The following B4GALT6 variants were observed in gnomAD, a reference collection of about 807,000 sequenced individuals.
The protein encoded by B4GALT6 is UDP-Gal:beta-GlcNAc beta-1,4-galactosyltransferase 6.
Under a neutral mutation model 46.3 loss-of-function variants are expected in B4GALT6, and 14 were observed. That is an observed-to-expected ratio of 0.30 (90% confidence interval 0.20 to 0.47). The LOEUF (loss-of-function observed/expected upper bound fraction) is 0.47, where lower values mean the gene tolerates loss of function less well. Ranked by LOEUF, B4GALT6 falls within the 20% of genes least tolerant of loss-of-function variation. B4GALT6 has a pLI of 0.99. For missense variants in B4GALT6, 386 were observed against 480.1 expected (o/e 0.80, Z 1.83); for synonymous variants, 168 against 162.0 (o/e 1.04, Z -0.28).
At chr18:31,715,521 C>T in the B4GALT6 span, among the ~76,000 whole-genome samples, 1 of 146,466 alleles carries the variant, frequency 6.8e-6, no homozygotes, top group South Asian at 2.2e-4. Flanking sequence ...AGCCACAGCG[C>T]CTGGTCTGGA....
upstream of B4GALT6, among the ~76,000 whole-genome samples, chr18:31,689,107 G>GGTAA (rs2030025642): frequency 6.6e-6 from 1 of 151,988 alleles, no homozygotes; most frequent in African/African-American, 2.4e-5. Flanking sequence ...GTCATCAGTT[G>GGTAA]GTAAGTCAAA....
chr18:31,684,586 T>C, upstream of B4GALT6: 1 of 1,169,076 alleles, frequency 8.6e-7, no homozygotes, highest in Non-Finnish European at 1.1e-6. Flanking sequence ...AAAGAGGAAA[T>C]GGGAGGGAGC....
In B4GALT6 at chr18:31,646,642, C is replaced by T. The variant is rs538503513; in HGVS notation, c.347-1163G>A. Reference sequence around the variant, plus strand: ...CAACAAATGTTGAGGTTTCCCATTTCGAGTCTTCTGAGTTTCATGTGGCCA... The same window carrying T: ...CAACAAATGTTGAGGTTTCCCATTTTGAGTCTTCTGAGTTTCATGTGGCCA... On this transcript the variant is annotated intron_variant, in intron 3 of 8. Transcript: ENST00000306851. 7.2e-5 allele frequency among the ~76,000 whole-genome samples: 11 copies of T among 152,270 alleles called. No homozygotes were observed. The South Asian group carries it at 1.4e-3, about 20-fold the overall frequency.
chr18:31,689,587 A>G (rs1178314716), upstream of B4GALT6, among the ~76,000 whole-genome samples: 7 of 152,148 alleles, frequency 4.6e-5, no homozygotes, highest in Non-Finnish European at 1.0e-4. Context: ...TACCAGAAAT[A>G]TAAAAAATTA....
intron 2 of B4GALT6, among the ~76,000 whole-genome samples, chr18:31,664,362 C>T (rs1230352377): frequency 1.3e-5 from 2 of 152,160 alleles, no homozygotes; most frequent in Non-Finnish European, 2.9e-5. Flanking sequence ...AACCTAATCC[C>T]TAATGTATAC....
upstream of B4GALT6, among the ~76,000 whole-genome samples, chr18:31,688,247 G>GCATATATATATACA (rs1555643327): frequency 3.2e-3 from 342 of 106,494 alleles, 1 homozygote; most frequent in African/African-American, 0.016. Flanking sequence ...ATAATTGAGT[G>GCATATATATATACA]TATATATATA....
intron 5 of B4GALT6, among the ~76,000 whole-genome samples, chr18:31,636,769 C>G (rs572632046): frequency 9.9e-5 from 15 of 152,204 alleles, no homozygotes; most frequent in Admixed American, 9.8e-4. Flanking sequence ...ATCACTCTAT[C>G]CATGTTTAGA....
rs1193567471 is a variant in B4GALT6 at position 31,645,496 on chromosome 18, T to C, written c.347-17A>G. Reference sequence around the variant, plus strand: ...GGAATCCTCCTACAAATTAAAAATGTAAAGAATTGTTTTAATATTTTTTGC... The same window carrying C: ...GGAATCCTCCTACAAATTAAAAATGCAAAGAATTGTTTTAATATTTTTTGC... On this transcript the variant is annotated splice_polypyrimidine_tract_variant and intron_variant, in intron 3 of 8. Coordinates refer to ENST00000306851, the MANE Select transcript of B4GALT6 (RefSeq NM_004775.5). 6.2e-7 allele frequency: 1 copy of C among 1,601,162 alleles called. No individual in the cohort carries two copies. Among genetic ancestry groups the C allele is most frequent in the Non-Finnish European group, 8.5e-7 (1 of 1,176,522 alleles).
At chr18:31,684,750 C>T, upstream of B4GALT6, 2 of 1,081,118 alleles carry the variant, frequency 1.8e-6, no homozygotes, top group South Asian at 5.8e-5. Context: ...GCGTTTTCTC[C>T]GCCAAGCAGC....
At chr18:31,703,690 G>C in the B4GALT6 span, among the ~76,000 whole-genome samples, 2 of 152,204 alleles carry the variant, frequency 1.3e-5, no homozygotes, top group African/African-American at 4.8e-5. Context: ...AAAAGAATGA[G>C]CCTAATAGCT....
At chr18:31,639,481 A>T (rs555234459) in intron 4 of B4GALT6, among the ~76,000 whole-genome samples, 1 of 152,366 alleles carries the variant, frequency 6.6e-6, no homozygotes, top group Admixed American at 6.5e-5. Context: ...CATACATGAT[A>T]TTGCCCCAAA....
chr18:31,630,521 G>A (rs1322976817), intron 6 of B4GALT6, among the ~76,000 whole-genome samples: 1 of 152,036 alleles, frequency 6.6e-6, no homozygotes, highest in Non-Finnish European at 1.5e-5. Flanking sequence ...ATCACTGGGG[G>A]AGAGCAGGCA....
chr18:31,664,914 C>A (rs190021913), intron 2 of B4GALT6, among the ~76,000 whole-genome samples: 4 of 152,210 alleles, frequency 2.6e-5, no homozygotes, highest in African/African-American at 9.6e-5. Context: ...TAAAAAAATT[C>A]CTTCAAGGTT....
the B4GALT6 span, among the ~76,000 whole-genome samples, chr18:31,696,856 T>G: frequency 8.5e-5 from 13 of 152,202 alleles, no homozygotes; most frequent in African/African-American, 3.1e-4. Flanking sequence ...CAGAAATGTG[T>G]CTTTATTTTG....
rs1271748412 is a variant in B4GALT6, at chr18:31,623,069, A to G, written c.*2545T>C. On this transcript the variant is annotated 3_prime_UTR_variant, in exon 9 of 9. Coordinates refer to ENST00000306851, the MANE Select transcript of B4GALT6 (RefSeq NM_004775.5). ...TTTGCTTGACTTCATTTGTTTAGAA[A>G]TGAAGTAATAATACTCCTTCCATAG... The G allele has an allele frequency of 6.6e-6, 1 of 152,098 alleles. No individual in the cohort carries two copies. The highest frequency in any genetic ancestry group is 1.5e-5 in the Non-Finnish European group (1 of 67,930). 9.4% of individuals were successfully genotyped at this position (152,098 alleles called of 1,614,324 possible). A position where few individuals can be genotyped will look rare whatever the true frequency, so the allele number is the denominator to read the frequency against.
chr18:31,653,093 A>G (rs2074094744), intron 3 of B4GALT6, among the ~76,000 whole-genome samples: 1 of 151,542 alleles, frequency 6.6e-6, no homozygotes, highest in South Asian at 2.1e-4. Flanking sequence ...ACAGGCTCAT[A>G]AATCAACTGT....
chr18:31,658,192 A>G (rs1006116341), intron 2 of B4GALT6, 103 bp from the exon 3 acceptor site: 4 of 784,256 alleles, frequency 5.1e-6, no homozygotes, highest in Non-Finnish European at 8.3e-6. Context: ...ACAATATACA[A>G]TCTACAGAAG....
chr18:31,724,020 C>G, the B4GALT6 span, among the ~76,000 whole-genome samples: 123 of 146,046 alleles, frequency 8.4e-4, no homozygotes, highest in African/African-American at 2.9e-3. Flanking sequence ...GGCCCAAATT[C>G]TTCCTCGCAG....
upstream of B4GALT6, among the ~76,000 whole-genome samples, chr18:31,685,445 G>C (rs1299492505): frequency 6.6e-6 from 1 of 151,390 alleles, no homozygotes; most frequent in Non-Finnish European, 1.5e-5. Flanking sequence ...ACCCCTGCGC[G>C]CTTCGCGCGC....
Sources: gnomAD v4.1 joint callset for allele counts (sites outside exome capture counted in the v4.1 genomes callset) on GRCh38, gnomAD v4.1.1 for gene constraint, MANE v1.5 for transcripts, NCBI Gene and HGNC (gene_info 2026-07-23, HGNC 2026-07-21) for gene names.